ADGRB1: variants seen among roughly 807,000 people sequenced by gnomAD.
ADGRB1 encodes adhesion G protein-coupled receptor B1.
Under a neutral mutation model 175.7 loss-of-function variants are expected in ADGRB1, and 36 were observed. The ratio of observed to expected loss-of-function variants is 0.20; its 90% CI spans 0.16 to 0.27. ADGRB1 has a LOEUF of 0.27. Among genes scored for constraint, ADGRB1 ranks in the 10% least tolerant of loss-of-function variants. ADGRB1 has a pLI of 1.00. For synonymous variants in ADGRB1, 1,054 were observed against 979.4 expected, an observed-to-expected ratio of 1.08 and a Z score of -1.42; for missense variants, 1,731 against 2,255.3, an observed-to-expected ratio of 0.77 and a Z score of 4.71.
In ADGRB1 at chr8:142,461,610, G is replaced by A. The variant is rs571019480; in HGVS notation, c.-219-2370G>A. Among the ~76,000 whole-genome samples the A allele has an allele frequency of 1.4e-4, 22 of 152,300 alleles. No individual in the cohort carries two copies. In the South Asian group the frequency reaches 3.7e-3, roughly 26 times the overall value. ...AGCTCCTGTGCCTGCTCCTGGCACCGCAGGCCCCTAGAACCTGCCCCGCCC... is the reference window on the plus strand; with the variant it reads ...AGCTCCTGTGCCTGCTCCTGGCACCACAGGCCCCTAGAACCTGCCCCGCCC... On this transcript the variant is annotated intron_variant, in intron 1 of 30. Transcript: ENST00000517894.
At chr8:142,461,511 T>G (rs1407701105) in intron 1 of ADGRB1, among the ~76,000 whole-genome samples, 1 of 152,178 alleles carries the variant, frequency 6.6e-6, no homozygotes, top group Non-Finnish European at 1.5e-5. Flanking sequence ...TGTACCAGTT[T>G]CCAGGTGGGA....
chr8:142,532,221 G>C (rs1051958779), intron 24 of ADGRB1, among the ~76,000 whole-genome samples: 3 of 152,202 alleles, frequency 2.0e-5, no homozygotes, highest in Non-Finnish European at 2.9e-5. Context: ...GGGGCCTCCT[G>C]CGGGCAGGCA....
intron 24 of ADGRB1, among the ~76,000 whole-genome samples, chr8:142,530,658 G>C (rs1441150909): frequency 6.6e-6 from 1 of 152,232 alleles, no homozygotes; most frequent in African/African-American, 2.4e-5. Context: ...CAGGCCCCGG[G>C]AAGTTCAGGT....
chr8:142,475,731 T>A (rs1428283235), intron 3 of ADGRB1, 96 bp downstream of exon 3: 1 of 28,492 alleles, frequency 3.5e-5, no homozygotes, highest in African/African-American at 1.5e-4. Context: ...GAGGGGCCCG[T>A]GGGGGCGGGG....
At chr8:142,490,957 C>G (rs1318368358) in intron 17 of ADGRB1, 142 bp downstream of exon 17, 31 of 1,125,630 alleles carry the variant, frequency 2.8e-5, no homozygotes, top group Non-Finnish European at 1.4e-5. Flanking sequence ...CTCCGTGTCA[C>G]CACCTGTCAC....
chr8:142,523,695 A>G (rs1844003479), intron 22 of ADGRB1, among the ~76,000 whole-genome samples: 1 of 145,984 alleles, frequency 6.9e-6, no homozygotes, highest in African/African-American at 2.5e-5. Context: ...GGGTAGAGGG[A>G]ACGGTCCTTA....
At chr8:142,494,417 C>T (rs1427992137) in intron 17 of ADGRB1, among the ~76,000 whole-genome samples, 1 of 152,118 alleles carries the variant, frequency 6.6e-6, no homozygotes, top group Non-Finnish European at 1.5e-5. Context: ...TGATCCTGGT[C>T]ACAGGCTGAG....
intron 24 of ADGRB1, among the ~76,000 whole-genome samples, chr8:142,528,304 G>GCA (rs1844343624): frequency 6.6e-6 from 1 of 151,934 alleles, no homozygotes; most frequent in African/African-American, 2.4e-5. Context: ...TCAGCTGAGC[G>GCA]CAGGGACCCC....
intron 18 of ADGRB1, among the ~76,000 whole-genome samples, chr8:142,512,732 G>A (rs566140937): frequency 1.3e-4 from 20 of 152,366 alleles, no homozygotes; most frequent in African/African-American, 4.6e-4. Context: ...CTCGGAGAGA[G>A]TCCCAGGAAC....
rs542478693 is a variant in ADGRB1, at chr8:142,537,133, C to G, written c.3666+51C>G. 24 of 1,344,234 alleles carry G rather than the reference C, an allele frequency of 1.8e-5. No individual in the cohort carries two copies. The highest frequency in any genetic ancestry group is 2.2e-5 in the Non-Finnish European group (23 of 1,026,128). 83.3% of individuals were successfully genotyped at this position (1,344,234 alleles called of 1,614,324 possible). A position where few individuals can be genotyped will look rare whatever the true frequency, so the allele number is the denominator to read the frequency against. ...GGCTGCCCTACCTGCCTCGTACCCC[C>G]GCCAAGTGCCTCCAGGCCCTCACCG... On this transcript the variant is annotated intron_variant, in intron 26 of 30. Coordinates refer to ENST00000517894, the MANE Select transcript of ADGRB1 (RefSeq NM_001702.3). This position sits in a 1 kb window ranked among gnomAD's most constrained non-coding sequence, Gnocchi z 4.6.
At chr8:142,520,622 ATGG>A (rs542239971) in intron 19 of ADGRB1, among the ~76,000 whole-genome samples, 198 bp from the exon 20 acceptor site, 62 of 150,048 alleles carry the variant, frequency 4.1e-4, no homozygotes, top group Admixed American at 7.3e-4. Flanking sequence ...TGTGTTGGTG[ATGG>A]TGGTGATGAT....
At chr8:142,514,861 T>C (rs543182739) in intron 18 of ADGRB1, among the ~76,000 whole-genome samples, 1 of 151,864 alleles carries the variant, frequency 6.6e-6, no homozygotes, top group East Asian at 1.9e-4. Flanking sequence ...GGTCAGAGTA[T>C]GATGGGGGTT....
At position 142,464,038 on chromosome 8, in the gene ADGRB1, C is replaced by T. The variant is rs937898267; in HGVS notation, c.-161C>T. 2 of 586,076 alleles carry T rather than the reference C, an allele frequency of 3.4e-6. No individual in the cohort carries two copies. The highest frequency in any genetic ancestry group is 2.0e-5 in the African/African-American group (1 of 51,270). 36.3% of individuals were successfully genotyped at this position (586,076 alleles called of 1,614,324 possible). On this transcript the variant is annotated 5_prime_UTR_variant, in exon 2 of 31. Coordinates refer to ENST00000517894, the MANE Select transcript of ADGRB1 (RefSeq NM_001702.3). ...CCTGGACTTTAGAAGCCGTTGCTGC[C>T]CTCTCTGTCACCTGAAGCGGGGCCC...
intron 23 of ADGRB1, among the ~76,000 whole-genome samples, chr8:142,525,278 G>A (rs373679842): frequency 6.6e-6 from 1 of 151,972 alleles, no homozygotes; most frequent in Admixed American, 6.5e-5. Context: ...CCAGGCGGGA[G>A]GCAGGAGAGG....
rs1324628296 is a variant in ADGRB1, at chr8:142,543,196, C to T, written c.4414-207C>T. ...CGGGTAGGCGAGCCGGACACCCCAGCCCAGCCTTGGTGCTGCTCGCTGGCA... is the reference window on the plus strand; with the variant it reads ...CGGGTAGGCGAGCCGGACACCCCAGTCCAGCCTTGGTGCTGCTCGCTGGCA... On this transcript the variant is annotated intron_variant, in intron 28 of 30. Coordinates refer to ENST00000517894, the MANE Select transcript of ADGRB1 (RefSeq NM_001702.3). The surrounding 1 kb of genome is among the most constrained non-coding windows in gnomAD (Gnocchi z 4.4). Among the ~76,000 whole-genome samples the T allele has an allele frequency of 6.6e-6, 1 of 152,170 alleles. No individual in the cohort carries two copies. Among genetic ancestry groups the T allele is most frequent in the Non-Finnish European group, 1.5e-5 (1 of 68,008 alleles).
intron 2 of ADGRB1, among the ~76,000 whole-genome samples, chr8:142,469,607 A>C: frequency 7.7e-6 from 1 of 130,614 alleles, no homozygotes; most frequent in Non-Finnish European, 1.6e-5. Context: ...GTGCACGTGC[A>C]TGTGTGTGTA....
At chr8:142,458,631 T>C (rs1839806708) in intron 1 of ADGRB1, among the ~76,000 whole-genome samples, 1 of 152,076 alleles carries the variant, frequency 6.6e-6, no homozygotes, top group Non-Finnish European at 1.5e-5. Flanking sequence ...GCCCTCACCC[T>C]GTCACCTCTG....
chr8:142,505,705 C>T (rs551170497), intron 17 of ADGRB1, among the ~76,000 whole-genome samples: 1 of 152,264 alleles, frequency 6.6e-6, no homozygotes, highest in East Asian at 1.9e-4. Context: ...AAGAGGGAAC[C>T]GCTGGAGGGC....
chr8:142,533,219 G>A lies in ADGRB1; in HGVS notation c.3399-76G>A, dbSNP rs1271474713. On this transcript the variant is annotated intron_variant, in intron 24 of 30. Transcript: ENST00000517894. Reference sequence around the variant, plus strand: ...TAGGGCTGGGTCCCCACCGAGGCCTGGAGATGCAGGGTTCAGGGCAGGGTG... The same window carrying A: ...TAGGGCTGGGTCCCCACCGAGGCCTAGAGATGCAGGGTTCAGGGCAGGGTG... The A allele has an allele frequency of 2.9e-6, 4 of 1,384,594 alleles. No homozygotes were observed. In the African/African-American group the frequency reaches 5.8e-5, roughly 20 times the overall value. The allele number at this position is 1,384,594 out of a possible 1,614,324, so 85.8% of individuals were successfully genotyped here.
Sources: allele counts gnomAD v4.1 joint callset (sites outside exome capture counted in the v4.1 genomes callset), GRCh38; gene constraint gnomAD v4.1.1; non-coding constraint Gnocchi (gnomAD v3.1); transcripts MANE v1.5; gene names NCBI Gene and HGNC (gene_info 2026-07-23, HGNC 2026-07-21).